The following RABL6 variants were observed in gnomAD, a reference collection of about 807,000 sequenced individuals.
RABL6 encodes the protein RAB, member RAS oncogene family like 6.
Under a neutral mutation model 72.9 loss-of-function variants are expected in RABL6, and 28 were observed. The ratio of observed to expected loss-of-function variants is 0.38; its 90% CI spans 0.28 to 0.53. The LOEUF is 0.53. Among genes scored for constraint, RABL6 ranks in the 20% least tolerant of loss-of-function variants. The pLI is 0.80. For synonymous variants in RABL6, 477 were observed against 421.2 expected, an observed-to-expected ratio of 1.13 and a Z score of -1.62; for missense variants, 1,029 against 1,008.4, an observed-to-expected ratio of 1.02 and a Z score of -0.28.
At position 136,822,084 on chromosome 9, in the gene RABL6, G is replaced by C. The variant is rs1436667599; in HGVS notation, c.131-1441G>C. The stretch of plus-strand genomic sequence containing the variant: ...GCCTTGAGGTAGAGGGAGGGGACTG[G>C]GCCAGGAGAGAGGAGCCGGGTGGGG... On this transcript the variant is annotated intron_variant, in intron 1 of 14. Transcript: ENST00000311502. The C allele has an allele frequency of 3.1e-6, 4 of 1,288,738 alleles. No individual in the cohort carries two copies. In the South Asian group the frequency reaches 4.9e-5, roughly 16 times the overall value. The allele number at this position is 1,288,738 out of a possible 1,614,324, so 79.8% of individuals were successfully genotyped here. A position where few individuals can be genotyped will look rare whatever the true frequency, so the allele number is the denominator to read the frequency against.
At position 136,841,181 on chromosome 9, in the gene RABL6, C is replaced by G. The variant is rs1213892804; in HGVS notation, c.*659C>G. On this transcript the variant is annotated 3_prime_UTR_variant, in exon 15 of 15. Transcript: ENST00000311502. ...CTCAGACCATAAAGCACTCCTGTTT[C>G]ACTCTGCGTGTGTCTGTTCTTCTGC... 3.1e-6 allele frequency: 2 copies of G among 653,298 alleles called. No individual in the cohort carries two copies. Among genetic ancestry groups the G allele is most frequent in the South Asian group, 4.0e-5 (1 of 24,766 alleles). 40.5% of individuals were successfully genotyped at this position (653,298 alleles called of 1,614,324 possible). A position where few individuals can be genotyped will look rare whatever the true frequency, so the allele number is the denominator to read the frequency against.
intron 1 of RABL6, chr9:136,813,514 C>T (rs117675345): frequency 0.038 from 16,641 of 434,904 alleles, 500 homozygotes; most frequent in South Asian, 0.091. Flanking sequence ...TGCGTTTCTT[C>T]AGAAGTTTTC....
At chr9:136,825,447 C>T (rs529584683) in intron 2 of RABL6, among the ~76,000 whole-genome samples, 14 of 107,202 alleles carry the variant, frequency 1.3e-4, no homozygotes, top group African/African-American at 4.5e-4. Flanking sequence ...GGATCGGGGC[C>T]GGGGAGGGAG....
At chr9:136,824,965 G>A (rs946048528) in intron 2 of RABL6, among the ~76,000 whole-genome samples, 1 of 152,238 alleles carries the variant, frequency 6.6e-6, no homozygotes, top group Non-Finnish European at 1.5e-5. Flanking sequence ...ATGCCTGGCT[G>A]TGTGAGGGCC....
chr9:136,840,840 G>T lies in RABL6; in HGVS notation c.*318G>T. The T allele has an allele frequency of 5.2e-6, 8 of 1,545,784 alleles. No homozygotes were observed. Among genetic ancestry groups the T allele is most frequent in the South Asian group, 1.2e-5 (1 of 83,942 alleles). On this transcript the variant is annotated 3_prime_UTR_variant, in exon 15 of 15. Coordinates refer to ENST00000311502, the MANE Select transcript of RABL6 (RefSeq NM_024718.5). ...TGAGGCCCAGGAGGGACCTGTGAGG[G>T]TCTGTTTACAGAGGCTGGGCAGGGG... is the stretch of plus-strand genomic sequence containing the variant.
chr9:136,833,669 TG>T, intron 7 of RABL6: 1 of 1,548,040 alleles, frequency 6.5e-7, no homozygotes, highest in South Asian at 1.2e-5. Context: ...CGACTGGGTC[TG>T]GGGGACCTGG....
chr9:136,832,068 G>A, intron 6 of RABL6, 197 bp from the exon 7 acceptor site: 1 of 936,764 alleles, frequency 1.1e-6, no homozygotes, highest in Non-Finnish European at 1.6e-6. Flanking sequence ...GTGCCAGGGT[G>A]AAGTGCTGGC....
intron 6 of RABL6, 60 bp downstream of exon 6, chr9:136,831,921 G>A: frequency 6.5e-7 from 1 of 1,541,732 alleles, no homozygotes; most frequent in Non-Finnish European, 8.8e-7. Context: ...TGCGGGGGAG[G>A]GTGCTGAGGC....
chr9:136,840,100 G>C, intron 13 of RABL6, 54 bp from the exon 14 acceptor site: 1 of 1,611,210 alleles, frequency 6.2e-7, no homozygotes, highest in Non-Finnish European at 8.5e-7. Flanking sequence ...CTGTCACCCA[G>C]CTTGGGGTCC....
At chr9:136,813,743 G>A in intron 1 of RABL6, 1 of 193,340 alleles carries the variant, frequency 5.2e-6, no homozygotes, top group South Asian at 8.5e-5. Flanking sequence ...AGCCTCCCGA[G>A]TAGCTGGGAC....
chr9:136,837,725 C>G, intron 9 of RABL6, 63 bp downstream of exon 9: 1 of 1,545,714 alleles, frequency 6.5e-7, no homozygotes, highest in Non-Finnish European at 8.7e-7. Flanking sequence ...CAGGTGGGGT[C>G]CTGGATTTCG....
At chr9:136,819,277 G>C (rs1252582774) in intron 1 of RABL6, among the ~76,000 whole-genome samples, 2 of 150,494 alleles carry the variant, frequency 1.3e-5, no homozygotes, top group African/African-American at 4.9e-5. Context: ...AGCCGAGATG[G>C]TGCCACTGCA....
chr9:136,828,586 C>T, intron 4 of RABL6, 40 bp downstream of exon 4: 3 of 1,596,922 alleles, frequency 1.9e-6, no homozygotes, highest in Non-Finnish European at 1.7e-6. Flanking sequence ...TGGCTCAGGG[C>T]CCCGGGGTGC....
rs1236639837 is a variant in RABL6, at chr9:136,808,346, G to T, written c.130+20G>T. On this transcript the variant is annotated intron_variant, in intron 1 of 14. Coordinates refer to ENST00000311502, the MANE Select transcript of RABL6 (RefSeq NM_024718.5). The stretch of plus-strand genomic sequence containing the variant: ...ACAACAGTGAGTGCGGCGGGCCGGG[G>T]GGGCGCGGGAGCGCCGCGCGGGTCT... 5 of 1,499,996 alleles carry T rather than the reference G, an allele frequency of 3.3e-6. No homozygotes were observed. The highest frequency in any genetic ancestry group is 1.5e-5 in the African/African-American group (1 of 68,700). The allele number at this position is 1,499,996 out of a possible 1,614,324, so 92.9% of individuals were successfully genotyped here.
intron 5 of RABL6, among the ~76,000 whole-genome samples, chr9:136,830,132 C>T (rs375265838): frequency 3.3e-4 from 50 of 152,372 alleles, no homozygotes; most frequent in African/African-American, 1.1e-3. Flanking sequence ...AGCCAGTGCC[C>T]GGAGCACCAG....
At chr9:136,816,408 C>CT (rs905226934) in intron 1 of RABL6, among the ~76,000 whole-genome samples, 2 of 150,346 alleles carry the variant, frequency 1.3e-5, no homozygotes, top group African/African-American at 4.9e-5. Flanking sequence ...ACCAGCCTAA[C>CT]TTTTTAACTT....
In RABL6 at chr9:136,837,686, C is replaced by G. The variant is rs528024777; in HGVS notation, c.1126+24C>G. ...AGGTAGGCCCTGGAGCTGCCCCTCC[C>G]AAACTGGTCCCAGACCCCCAGGCCC... On this transcript the variant is annotated intron_variant, in intron 9 of 14. Transcript: ENST00000311502. 552 of 1,559,222 alleles carry G rather than the reference C, an allele frequency of 3.5e-4. 1 individual carries two copies. The African/African-American group carries it at 6.9e-3, about 19-fold the overall frequency.
chr9:136,841,122 C>G lies in RABL6; in HGVS notation c.*600C>G, dbSNP rs1319081008. The G allele has an allele frequency of 1.6e-6, 2 of 1,251,684 alleles. No homozygotes were observed. Among genetic ancestry groups the G allele is most frequent in the Non-Finnish European group, 2.1e-6 (2 of 957,740 alleles). The allele number at this position is 1,251,684 out of a possible 1,614,324, so 77.5% of individuals were successfully genotyped here. A position where few individuals can be genotyped will look rare whatever the true frequency, so the allele number is the denominator to read the frequency against. ...GCCCCCGCTCAGGTGAGCCCGAAGG[C>G]AGGAGCCGGGAGGCACTCCTCCCAA... On this transcript the variant is annotated 3_prime_UTR_variant, in exon 15 of 15. Transcript: ENST00000311502.
At chr9:136,838,628 G>A (rs958947815) in intron 10 of RABL6, among the ~76,000 whole-genome samples, 2 of 152,078 alleles carry the variant, frequency 1.3e-5, no homozygotes, top group Admixed American at 6.5e-5. Flanking sequence ...GTGGCCCTGA[G>A]CTGGGCCCGC....
Sources: gnomAD v4.1 joint callset for allele counts (sites outside exome capture counted in the v4.1 genomes callset) on GRCh38, gnomAD v4.1.1 for gene constraint, MANE v1.5 for transcripts, NCBI Gene and HGNC (gene_info 2026-07-23, HGNC 2026-07-21) for gene names.